Variants in KIAA1217 observed in about 807,000 individuals in gnomAD.
KIAA1217 encodes the protein KIAA1217.
KIAA1217 carries 88 observed loss-of-function variants against 163.9 expected under a neutral mutation model. That is an observed-to-expected ratio of 0.54 (90% confidence interval 0.45 to 0.64). The LOEUF (loss-of-function observed/expected upper bound fraction) is 0.64. Among genes scored for constraint, KIAA1217 ranks in the 30% least tolerant of loss-of-function variants. The pLI is 0.00. For missense variants in KIAA1217, 2,372 were observed against 2,475.0 expected (o/e 0.96, Z 0.88); for synonymous variants, 903 against 923.1 (o/e 0.98, Z 0.39).
intron 9 of KIAA1217, among the ~76,000 whole-genome samples, chr10:24,503,611 A>G (rs1158414531): frequency 6.6e-6 from 1 of 152,196 alleles, no homozygotes; most frequent in Non-Finnish European, 1.5e-5. Context: ...CAGTGTTTCT[A>G]GATGTTTCAA....
chr10:23,929,346 G>C (rs980100929), intron 1 of KIAA1217, among the ~76,000 whole-genome samples: 2 of 151,752 alleles, frequency 1.3e-5, no homozygotes, highest in African/African-American at 4.8e-5. Flanking sequence ...AGACTAAGGG[G>C]GCACATGTGC....
intron 1 of KIAA1217, among the ~76,000 whole-genome samples, chr10:23,837,149 A>G (rs150357979): frequency 4.4e-4 from 67 of 152,272 alleles, no homozygotes; most frequent in African/African-American, 1.5e-3. Flanking sequence ...GCTTAATATA[A>G]TGGCTTCCAG....
rs928617427 is a variant in KIAA1217, at chr10:24,112,868, G to A, written c.-171+105494G>A. ...CCCACAGTGCTGGGATTACAGGCGT[G>A]AGCCACCACGCCTGGCCATGACTGG... is the stretch of plus-strand genomic sequence containing the variant. On this transcript the variant is annotated intron_variant, in intron 2 of 18. Transcript: ENST00000376462. Among the ~76,000 whole-genome samples, 7 of 152,220 alleles carry A rather than the reference G, an allele frequency of 4.6e-5. No individual in the cohort carries two copies. The South Asian group carries it at 6.2e-4, about 14-fold the overall frequency.
intron 1 of KIAA1217, among the ~76,000 whole-genome samples, chr10:23,868,169 G>T (rs1253462732): frequency 6.6e-6 from 1 of 152,002 alleles, no homozygotes; most frequent in Admixed American, 6.6e-5. Flanking sequence ...TTCATTTCCT[G>T]ATGGTTCAGC....
At chr10:24,325,141 C>G (rs183632285) in intron 2 of KIAA1217, among the ~76,000 whole-genome samples, 2 of 152,284 alleles carry the variant, frequency 1.3e-5, no homozygotes, top group South Asian at 4.1e-4. Context: ...CACAAAAACT[C>G]GGGTTTCTGA....
chr10:24,049,580 A>G (rs1262952143), intron 2 of KIAA1217, among the ~76,000 whole-genome samples: 1 of 152,092 alleles, frequency 6.6e-6, no homozygotes, highest in Non-Finnish European at 1.5e-5. Context: ...TTCTTGTGAT[A>G]GTTTGCTGAG....
At chr10:23,866,837 C>A (rs562982588) in intron 1 of KIAA1217, among the ~76,000 whole-genome samples, 1 of 152,014 alleles carries the variant, frequency 6.6e-6, no homozygotes, top group East Asian at 1.9e-4. Flanking sequence ...TTTCTTTTTT[C>A]TTTTTCTTTT....
intron 3 of KIAA1217, among the ~76,000 whole-genome samples, chr10:24,395,480 G>A (rs937970538): frequency 6.6e-6 from 1 of 152,198 alleles, no homozygotes; most frequent in Non-Finnish European, 1.5e-5. Context: ...GCAACCAGAT[G>A]TTGATATCAT....
At chr10:23,829,887 T>C (rs1034004304) in intron 1 of KIAA1217, among the ~76,000 whole-genome samples, 6 of 152,118 alleles carry the variant, frequency 3.9e-5, no homozygotes, top group African/African-American at 1.2e-4. Context: ...TGAGCTCATG[T>C]TGTGAAACTA....
At chr10:24,079,353 T>C (rs1283898234) in intron 2 of KIAA1217, among the ~76,000 whole-genome samples, 1 of 152,110 alleles carries the variant, frequency 6.6e-6, no homozygotes, top group Non-Finnish European at 1.5e-5. Context: ...TTTGAAGCTA[T>C]TATAGGGCCA....
chr10:24,048,625 G>A (rs1472185708), intron 2 of KIAA1217, among the ~76,000 whole-genome samples: 1 of 152,108 alleles, frequency 6.6e-6, no homozygotes, highest in Non-Finnish European at 1.5e-5. Context: ...AGCTACCTGG[G>A]AGGGTGTGGC....
chr10:23,819,849 G>A (rs529665358), intron 1 of KIAA1217, among the ~76,000 whole-genome samples: 75 of 152,246 alleles, frequency 4.9e-4, no homozygotes, highest in African/African-American at 1.7e-3. Context: ...TGCCACCTGA[G>A]TCATTTTTTT....
intron 2 of KIAA1217, among the ~76,000 whole-genome samples, chr10:24,048,729 CA>C (rs544352537): frequency 0.41 from 52,476 of 127,724 alleles, 10,409 homozygotes; most frequent in Middle Eastern, 0.51. Flanking sequence ...GACTCTGTCT[CA>C]AAAAAAAAAA....
At chr10:23,771,399 T>C (rs542691498) in intron 1 of KIAA1217, among the ~76,000 whole-genome samples, 14 of 152,234 alleles carry the variant, frequency 9.2e-5, no homozygotes, top group Non-Finnish European at 1.8e-4. Flanking sequence ...GGAAAATGTA[T>C]GTTTTTGCTG....
chr10:23,946,311 A>G (rs1844041347), intron 1 of KIAA1217, among the ~76,000 whole-genome samples: 1 of 150,422 alleles, frequency 6.6e-6, no homozygotes, highest in African/African-American at 2.4e-5. Context: ...GCATATAGGA[A>G]AAAAAAAAGT....
At chr10:23,842,707 TG>T (rs1190542309) in intron 1 of KIAA1217, among the ~76,000 whole-genome samples, 1 of 151,992 alleles carries the variant, frequency 6.6e-6, no homozygotes, top group Admixed American at 6.6e-5. Flanking sequence ...TAAGTGAGTT[TG>T]GGGTTCAAGA....
intron 1 of KIAA1217, among the ~76,000 whole-genome samples, chr10:23,745,253 T>C (rs1839336711): frequency 6.6e-6 from 1 of 152,212 alleles, no homozygotes; most frequent in African/African-American, 2.4e-5. Context: ...ACATAGTAGG[T>C]GCTTAATAAA....
intron 10 of KIAA1217, among the ~76,000 whole-genome samples, chr10:24,513,966 T>G (rs959576140): frequency 5.3e-5 from 8 of 152,210 alleles, no homozygotes; most frequent in Non-Finnish European, 1.2e-4. Context: ...CTTCCTATTA[T>G]TCAACTGTAG....
intron 2 of KIAA1217, among the ~76,000 whole-genome samples, chr10:24,277,003 C>T (rs2132103761): frequency 6.6e-6 from 1 of 152,296 alleles, no homozygotes; most frequent in Non-Finnish European, 1.5e-5. Flanking sequence ...AAGCAATCCT[C>T]CCACCTCGGC....
Sources: gnomAD v4.1 joint callset for allele counts (sites outside exome capture counted in the v4.1 genomes callset) on GRCh38, gnomAD v4.1.1 for gene constraint, MANE v1.5 for transcripts, NCBI Gene and HGNC (gene_info 2026-07-23, HGNC 2026-07-21) for gene names.